Variants in CSMD1 observed in about 807,000 individuals in gnomAD.
The protein encoded by CSMD1 is CUB and sushi domain-containing protein 1.
In CSMD1, 213 loss-of-function variants were observed where a neutral mutation model predicts 417.5. That is an observed-to-expected ratio of 0.51 (90% CI 0.46 to 0.57). CSMD1 has a LOEUF of 0.57. Among genes scored for constraint, CSMD1 ranks in the 20% least tolerant of loss-of-function variants. The pLI is 0.00. For missense variants in CSMD1, 6,923 were observed against 4,529.7 expected, an observed-to-expected ratio of 1.53 and a Z score of -15.17; for synonymous variants, 2,862 against 1,736.8, an observed-to-expected ratio of 1.65 and a Z score of -16.11.
At chr8:3,704,272 C>A (rs187275741) in intron 7 of CSMD1, among the ~76,000 whole-genome samples, 1 of 152,162 alleles carries the variant, frequency 6.6e-6, no homozygotes, top group Admixed American at 6.5e-5. Flanking sequence ...GATGAGCAAG[C>A]AGGATTCAGC....
At chr8:4,950,381 A>G (rs1282477298) in intron 1 of CSMD1, among the ~76,000 whole-genome samples, 1 of 152,138 alleles carries the variant, frequency 6.6e-6, no homozygotes, top group African/African-American at 2.4e-5. Flanking sequence ...GGGTTAATTC[A>G]TAGGACAATG....
At chr8:4,339,731 G>T (rs143361603) in intron 3 of CSMD1, among the ~76,000 whole-genome samples, 3 of 152,020 alleles carry the variant, frequency 2.0e-5, no homozygotes, top group African/African-American at 2.4e-5. Flanking sequence ...GACGGTATAC[G>T]AAGTAGAAAA....
At chr8:4,001,242 C>A (rs76523282) in intron 4 of CSMD1, among the ~76,000 whole-genome samples, 2,103 of 152,192 alleles carry the variant, frequency 0.014, 51 homozygotes, top group African/African-American at 0.048. Flanking sequence ...CTCTCAGTAA[C>A]CTTGACCAGA....
chr8:3,003,752 C>G (rs1440692181), intron 52 of CSMD1, among the ~76,000 whole-genome samples: 1 of 152,130 alleles, frequency 6.6e-6, no homozygotes, highest in Non-Finnish European at 1.5e-5. Flanking sequence ...AACACTCAGC[C>G]ATGCTGAGGA....
intron 5 of CSMD1, among the ~76,000 whole-genome samples, chr8:3,820,158 C>T (rs1186293846): frequency 6.6e-6 from 1 of 152,136 alleles, no homozygotes; most frequent in African/African-American, 2.4e-5. Context: ...ATTTGAATGC[C>T]TTGCACAAAG....
At chr8:3,637,311 T>C (rs565918259) in intron 7 of CSMD1, among the ~76,000 whole-genome samples, 1 of 152,272 alleles carries the variant, frequency 6.6e-6, no homozygotes, top group Admixed American at 6.5e-5. Context: ...TCATAAACAA[T>C]CTATGTCTAA....
chr8:4,205,838 G>C (rs1410106210), intron 3 of CSMD1, among the ~76,000 whole-genome samples: 2 of 152,118 alleles, frequency 1.3e-5, no homozygotes, highest in African/African-American at 2.4e-5. Flanking sequence ...ATTAACATAT[G>C]AGTACAAATA....
chr8:3,204,088 CAG>C (rs558098694), intron 31 of CSMD1, among the ~76,000 whole-genome samples: 220 of 152,314 alleles, frequency 1.4e-3, no homozygotes, highest in Non-Finnish European at 2.6e-3. Flanking sequence ...AAAGATGAGA[CAG>C]AATGCATTTT....
chr8:4,349,953 A>T (rs1177190918), intron 3 of CSMD1, among the ~76,000 whole-genome samples: 2 of 152,116 alleles, frequency 1.3e-5, no homozygotes, highest in Non-Finnish European at 2.9e-5. Context: ...TAACAAAACA[A>T]ATGTATGCTG....
chr8:3,230,081 T>C lies in CSMD1; in HGVS notation c.4304A>G (p.Asn1435Ser), dbSNP rs1312683337. Residue 1435 changes from asparagine (N) to serine (S), a missense_variant, in exon 27 of 70, where the codon AAT (asparagine) becomes AGT (serine). Transcript: ENST00000635120. ...GTCTGGTTGCCAAAAGAACCGGTTA[T>C]TCAGCTGCACACAGGTGATTTTGGC... Reference protein sequence around the residue: ...GQAKITCVQLNNRFFWQPDPP... With the variant: ...GQAKITCVQLSNRFFWQPDPP... The C allele has an allele frequency of 8.7e-6, 14 of 1,611,924 alleles. No individual in the cohort carries two copies. Among genetic ancestry groups the C allele is most frequent in the Admixed American group, 1.7e-5 (1 of 59,528 alleles).
chr8:4,111,413 A>C (rs1478202157), intron 3 of CSMD1, among the ~76,000 whole-genome samples: 2 of 152,192 alleles, frequency 1.3e-5, no homozygotes, highest in Non-Finnish European at 2.9e-5. Flanking sequence ...TCTTTATTAT[A>C]GAATTATTTA....
chr8:4,326,326 G>C (rs1467840412), intron 3 of CSMD1, among the ~76,000 whole-genome samples: 1 of 152,126 alleles, frequency 6.6e-6, no homozygotes, highest in African/African-American at 2.4e-5. Context: ...TGAAAATACA[G>C]GGCTTGCGAT....
intron 10 of CSMD1, among the ~76,000 whole-genome samples, chr8:3,549,803 T>C (rs1437842577): frequency 1.3e-5 from 2 of 152,136 alleles, no homozygotes; most frequent in Non-Finnish European, 2.9e-5. Flanking sequence ...AATAATACAC[T>C]CCCTTTCTCT....
At chr8:4,686,533 C>A (rs1806396921) in intron 1 of CSMD1, among the ~76,000 whole-genome samples, 1 of 152,208 alleles carries the variant, frequency 6.6e-6, no homozygotes, top group Admixed American at 6.5e-5. Context: ...AGAACCTGAG[C>A]AAACAGCCCC....
chr8:4,171,020 T>A (rs1197258052), intron 3 of CSMD1, among the ~76,000 whole-genome samples: 1 of 151,890 alleles, frequency 6.6e-6, no homozygotes, highest in Non-Finnish European at 1.5e-5. Context: ...ATAATGGCCT[T>A]CCATATGCAG....
chr8:4,037,732 T>C (rs1005330527), intron 3 of CSMD1, among the ~76,000 whole-genome samples: 1 of 152,192 alleles, frequency 6.6e-6, no homozygotes, highest in East Asian at 1.9e-4. Context: ...ATCTGTTCTT[T>C]ATGACTCTAT....
intron 2 of CSMD1, among the ~76,000 whole-genome samples, chr8:4,541,343 C>G (rs541178321): frequency 6.6e-6 from 1 of 152,138 alleles, no homozygotes; most frequent in Admixed American, 6.5e-5. Flanking sequence ...GTGGGTACTG[C>G]CTTTGAAGAT....
chr8:3,315,650 A>G (rs897502152), intron 23 of CSMD1, among the ~76,000 whole-genome samples: 5 of 147,424 alleles, frequency 3.4e-5, no homozygotes, highest in African/African-American at 9.7e-5. Flanking sequence ...CACATTTTTA[A>G]AAAATAGCAA....
rs190821737 is a variant in CSMD1 at position 3,953,937 on chromosome 8, G to C, written c.818+43966C>G. Among the ~76,000 whole-genome samples, 98 of 152,328 alleles carry C rather than the reference G, an allele frequency of 6.4e-4. No individual in the cohort carries two copies. The South Asian group carries it at 7.0e-3, about 11-fold the overall frequency. ...GTCTGGAACGGCCCTGGCAAGGGTG[G>C]CTCTGGGTCTCGCCTTAGGCTGGGA... is the stretch of plus-strand genomic sequence containing the variant. On this transcript the variant is annotated intron_variant, in intron 5 of 69. Transcript: ENST00000635120.
Sources: allele counts gnomAD v4.1 joint callset (sites outside exome capture counted in the v4.1 genomes callset), GRCh38; gene constraint gnomAD v4.1.1; transcripts MANE v1.5; gene names NCBI Gene and HGNC (gene_info 2026-07-23, HGNC 2026-07-21).